DUS1L: variants seen among roughly 807,000 people sequenced by gnomAD.
DUS1L encodes tRNA-dihydrouridine(16/17) synthase [NAD(P)(+)]-like.
Under a neutral mutation model 61.2 loss-of-function variants are expected in DUS1L, and 56 were observed. The ratio of observed to expected loss-of-function variants is 0.92; its 90% CI spans 0.74 to 1.14. DUS1L has a LOEUF of 1.14. DUS1L is among the 50% of genes most tolerant of loss of function. The pLI, the probability that DUS1L is intolerant of heterozygous loss-of-function variation, is 0.00. For missense variants in DUS1L, 630 were observed against 632.4 expected (o/e 1.00, Z 0.04); for synonymous variants, 278 against 259.5 (o/e 1.07, Z -0.69).
chr17:82,059,022 G>A (rs1437287522), intron 11 of DUS1L: 33 of 595,016 alleles, frequency 5.5e-5, no homozygotes, highest in African/African-American at 3.7e-5. Flanking sequence ...GGATGCAGGG[G>A]GCACCATCCT....
In DUS1L at chr17:82,057,755, C is replaced by T. The variant is rs909522596; in HGVS notation, c.*360G>A. ...GACCTAAGCCCCCACTTTTGTCTAC[C>T]CAGATGCTGCCTTCATTTAGATGTA... On this transcript the variant is annotated 3_prime_UTR_variant, in exon 14 of 14. Transcript: ENST00000306796. 2.4e-5 allele frequency: 5 copies of T among 209,278 alleles called. No individual in the cohort carries two copies. Among genetic ancestry groups the T allele is most frequent in the African/African-American group, 7.0e-5 (3 of 43,056 alleles). 13.0% of individuals were successfully genotyped at this position (209,278 alleles called of 1,614,324 possible). A position where few individuals can be genotyped will look rare whatever the true frequency, so the allele number is the denominator to read the frequency against.
chr17:82,059,010 G>A (rs959980248), intron 11 of DUS1L, 192 bp from the exon 12 acceptor site: 1 of 603,770 alleles, frequency 1.7e-6, no homozygotes, highest in Non-Finnish European at 3.0e-6. Flanking sequence ...CAATGGGTGA[G>A]GGGATGCAGG....
Position 82,060,857 on chromosome 17 carries a change from G to A in DUS1L, c.939+8C>T, listed in dbSNP as rs201391365. 36 of 1,611,898 alleles carry A rather than the reference G, an allele frequency of 2.2e-5. No individual in the cohort carries two copies. Among genetic ancestry groups the A allele is most frequent in the African/African-American group, 1.9e-4 (14 of 74,984 alleles). Reference sequence around the variant, plus strand: ...CAAGGCCGGGCTCCCACCAGCCCCAGCACCTGCCTGACACCGCAGCTTCAG... The same window carrying A: ...CAAGGCCGGGCTCCCACCAGCCCCAACACCTGCCTGACACCGCAGCTTCAG... On this transcript the variant is annotated splice_region_variant and intron_variant, in intron 9 of 13. Coordinates refer to ENST00000306796, the MANE Select transcript of DUS1L (RefSeq NM_022156.5).
chr17:82,059,787 C>G (rs1267926211), intron 11 of DUS1L, 161 bp downstream of exon 11: 1 of 1,021,428 alleles, frequency 9.8e-7, no homozygotes, highest in African/African-American at 1.6e-5. Context: ...CGTTCTGACC[C>G]CAAGTCTGGC....
intron 10 of DUS1L, 144 bp downstream of exon 10, chr17:82,060,557 C>T (rs1474232837): frequency 3.0e-5 from 33 of 1,092,948 alleles, no homozygotes; most frequent in African/African-American, 1.6e-4. Flanking sequence ...TGCTCGGAGC[C>T]GAGGCCTCCC....
In DUS1L at chr17:82,064,157, G is replaced by GTTC; in HGVS notation, c.312_314dup (p.Leu104_Asn105insLys). On this transcript the variant is annotated inframe_insertion, in exon 3 of 14. Transcript: ENST00000306796. Reference sequence around the variant, plus strand: ...TGGCTATCATCTGTGGGCAGCCCAAGTTCAGGTCAATGGCGTCACAGTAAT... The same window carrying GTTC: ...TGGCTATCATCTGTGGGCAGCCCAAGTTCTTCAGGTCAATGGCGTCACAGTAAT... 1 of 1,612,860 alleles carries GTTC rather than the reference G, an allele frequency of 6.2e-7. No individual in the cohort carries two copies. The highest frequency in any genetic ancestry group is 1.3e-5 in the African/African-American group (1 of 75,070).
chr17:82,064,131 T>C lies in DUS1L; in HGVS notation c.341A>G (p.Lys114Arg), dbSNP rs370910657. 12 of 1,612,014 alleles carry C rather than the reference T, an allele frequency of 7.4e-6. No homozygotes were observed. Among genetic ancestry groups the C allele is most frequent in the Non-Finnish European group, 9.3e-6 (11 of 1,179,684 alleles). Residue 114 changes from lysine (K) to arginine (R), a missense_variant, in exon 3 of 14, where the codon AAG becomes AGG. Coordinates refer to ENST00000306796, the MANE Select transcript of DUS1L (RefSeq NM_022156.5). ...LNLGCPQMIA[K>R]RGHYGAFLQD... ...ATGCTCCACATGGAGCTCACCTCTC[T>C]TGGCTATCATCTGTGGGCAGCCCAA...
intron 6 of DUS1L, 49 bp from the exon 7 acceptor site, chr17:82,061,770 G>C (rs777093052): frequency 6.2e-7 from 1 of 1,601,874 alleles, no homozygotes; most frequent in Non-Finnish European, 8.5e-7. Context: ...CAGCACCCAG[G>C]TGATGCTGCC....
chr17:82,065,160 C>T (rs1392123686), intron 1 of DUS1L, 91 bp from the exon 2 acceptor site: 1 of 1,139,640 alleles, frequency 8.8e-7, no homozygotes, highest in Non-Finnish European at 1.2e-6. Context: ...TCTAAGGCCG[C>T]TCCAGTACCA....
At chr17:82,058,693 C>T (rs757650467) in intron 12 of DUS1L, 88 bp downstream of exon 12, 7 of 1,588,768 alleles carry the variant, frequency 4.4e-6, no homozygotes, top group African/African-American at 2.7e-5. Context: ...TGGGCGGGCA[C>T]CAGACCTGCC....
At chr17:82,064,385 C>T (rs895666701) in intron 2 of DUS1L, 151 bp from the exon 3 acceptor site, 1 of 658,260 alleles carries the variant, frequency 1.5e-6, no homozygotes, top group African/African-American at 1.8e-5. Context: ...TACAATATGA[C>T]AAAGCCGGGA....
At chr17:82,058,709 A>C in intron 12 of DUS1L, 72 bp downstream of exon 12, 1 of 1,600,814 alleles carries the variant, frequency 6.2e-7, no homozygotes, top group Non-Finnish European at 8.5e-7. Flanking sequence ...CTGCCACCCC[A>C]AGCAGTGCAG....
chr17:82,060,809 T>C (rs367724206), intron 9 of DUS1L, 26 bp from the exon 10 acceptor site: 45 of 1,611,608 alleles, frequency 2.8e-5, no homozygotes, highest in Admixed American at 5.0e-5. Flanking sequence ...GCCCTGGTCA[T>C]GGCCCCAGCC....
rs190812003 is a variant in DUS1L at position 82,060,993 on chromosome 17, C to A, written c.843-32G>T. ...CAGAGGCCCTGTCACGCAGGCTGGG[C>A]TCCCGGCTCCACCGTCAGGCCCCAG... On this transcript the variant is annotated intron_variant, in intron 8 of 13. Transcript: ENST00000306796. 10 of 1,597,934 alleles carry A rather than the reference C, an allele frequency of 6.3e-6. No individual in the cohort carries two copies. In the East Asian group the frequency reaches 1.6e-4, roughly 25 times the overall value.
At chr17:82,061,027 C>A in intron 8 of DUS1L, 66 bp from the exon 9 acceptor site, 5 of 1,569,328 alleles carry the variant, frequency 3.2e-6, no homozygotes, top group South Asian at 1.1e-5. Flanking sequence ...AGGCTGAGCA[C>A]TGGGCACACG....
In DUS1L at chr17:82,058,130, GC is replaced by G; in HGVS notation, c.1406del (p.Gly469AlafsTer79). The G allele has an allele frequency of 6.3e-7, 1 of 1,586,054 alleles. No individual in the cohort carries two copies. The highest frequency in any genetic ancestry group is 1.3e-5 in the African/African-American group (1 of 74,314). On this transcript the variant is annotated frameshift_variant, in exon 14 of 14. Coordinates refer to ENST00000306796, the MANE Select transcript of DUS1L (RefSeq NM_022156.5). LOFTEE classifies it high-confidence loss of function. ...TTGTGGGCCTTCAGGCCAGGGCACT[GC>G]CCATGACTTCGGAGAAGCCACCTGG... ...GTPGGFSEVM[G>X]SALA
rs759921904 is a variant in DUS1L at position 82,062,960 on chromosome 17, G to A, written c.411C>T (p.His137=). The A allele has an allele frequency of 8.7e-6, 14 of 1,612,760 alleles. No homozygotes were observed. The highest frequency in any genetic ancestry group is 5.3e-5 in the African/African-American group (4 of 74,936). ...ACGTGACAGGAACAGAGAGTTTCTC[G>A]TGGGCCAGCAAAACTGGGGAGAAGA... ...DLLQRMILLA[H]EKLSVPVTCK... is the part of the protein sequence containing the mutation. Residue 137 remains histidine (H), a synonymous_variant, in exon 5 of 14, where the codon CAC becomes CAT. Transcript: ENST00000306796.
chr17:82,064,833 A>C lies in DUS1L; in HGVS notation c.227T>G (p.Leu76Arg). The change falls in exon 2 of 14, where the codon CTC becomes CGC. Residue 76 changes from leucine to arginine, a missense_variant. Transcript: ENST00000306796. Reference protein sequence around the residue: ...YCEVCPEDRPLIVQFCANDPE... With the variant: ...YCEVCPEDRPRIVQFCANDPE... The stretch of plus-strand genomic sequence containing the variant: ...GCCCCTCCTGCGCACCTGCACGATG[A>C]GGGGCCGGTCCTCGGGGCACACCTC... The C allele has an allele frequency of 6.2e-7, 1 of 1,609,534 alleles. No homozygotes were observed. Among genetic ancestry groups the C allele is most frequent in the South Asian group, 1.1e-5 (1 of 90,766 alleles).
In DUS1L at chr17:82,061,678, A is replaced by C. The variant is rs373901135; in HGVS notation, c.637T>G (p.Cys213Gly). 1.9e-6 allele frequency: 3 copies of C among 1,613,030 alleles called. No individual in the cohort carries two copies. Among genetic ancestry groups the C allele is most frequent in the Non-Finnish European group, 2.5e-6 (3 of 1,179,920 alleles). ...AGGCAGCGCTCCACGTCCTGCAGGC[A>C]CTGGATGTTCCCGTTAGCAAACACA... ...IPVFANGNIQ[C>G]LQDVERCLRD... The change falls in exon 7 of 14, where the codon TGC (cysteine) becomes GGC (glycine). Residue 213 changes from cysteine to glycine, a missense_variant. Physicochemically the swap from Cys to Gly is radical, Grantham distance 159. Transcript: ENST00000306796.
Sources: gnomAD v4.1 joint callset for allele counts on GRCh38, gnomAD v4.1.1 for gene constraint, MANE v1.5 for transcripts, NCBI Gene and HGNC (gene_info 2026-07-23, HGNC 2026-07-21) for gene names.